C13orf46: variants seen among roughly 807,000 people sequenced by gnomAD.
The protein encoded by C13orf46 is uncharacterized protein C13orf46.
At chr13:113,961,670 TAA>T (rs2052587859) in intron 6 of C13orf46, among the ~76,000 whole-genome samples, 1 of 152,198 alleles carries the variant, frequency 6.6e-6, no homozygotes, top group South Asian at 2.1e-4. Context: ...AGAGCACAAT[TAA>T]TGACATAATA....
the C13orf46 span, among the ~76,000 whole-genome samples, chr13:113,946,410 C>T: frequency 1.3e-5 from 2 of 152,204 alleles, no homozygotes; most frequent in East Asian, 1.9e-4. Context: ...GAAGGGCGTC[C>T]TGCAGGCTCT....
intron 5 of C13orf46, among the ~76,000 whole-genome samples, chr13:113,966,562 ATGATGGTGATAGTGATAGTGGTGATGG>A (rs1429907368): frequency 1.7e-4 from 25 of 150,852 alleles, no homozygotes; most frequent in African/African-American, 5.4e-4. Flanking sequence ...AATAGTGACG[ATGATGGTGATAGTGATAGTGGTGATGG>A]TGATGATGAT....
chr13:113,941,688 C>T, the C13orf46 span, among the ~76,000 whole-genome samples: 2 of 152,228 alleles, frequency 1.3e-5, no homozygotes, highest in Admixed American at 6.5e-5. Context: ...CAGTTCCAGC[C>T]TCGCAGGTGG....
rs995050575 is a variant in C13orf46, at chr13:113,968,015, G to T, written c.456+452C>A. On this transcript the variant is annotated intron_variant, in intron 4 of 6. Transcript: ENST00000636427. ...ACTTCCCAAGAGCCCTGGAATGAAA[G>T]CAAGGCCCGCCTGGCAAGCAGCGTG... is the stretch of plus-strand genomic sequence containing the variant. Among the ~76,000 whole-genome samples the T allele has an allele frequency of 4.7e-4, 72 of 152,142 alleles. No individual in the cohort carries two copies. The South Asian group carries it at 8.5e-3, about 18-fold the overall frequency.
chr13:113,964,702 C>T (rs942670299), intron 6 of C13orf46, among the ~76,000 whole-genome samples: 6 of 152,270 alleles, frequency 3.9e-5, no homozygotes, highest in Non-Finnish European at 7.4e-5. Context: ...GGTGGGGCAT[C>T]GTGAAGCTCG....
chr13:113,929,506 C>T, the C13orf46 span, among the ~76,000 whole-genome samples: 2 of 152,214 alleles, frequency 1.3e-5, no homozygotes, highest in Admixed American at 6.5e-5. Context: ...CTCGACTGTC[C>T]GAGTGTGTTC....
chr13:113,944,158 A>G, the C13orf46 span, among the ~76,000 whole-genome samples: 1 of 152,134 alleles, frequency 6.6e-6, no homozygotes. Context: ...CAAGCCCCTC[A>G]GGTGGCAGGG....
the C13orf46 span, among the ~76,000 whole-genome samples, chr13:113,940,538 C>G: frequency 8.5e-6 from 1 of 118,286 alleles, no homozygotes; most frequent in Non-Finnish European, 1.9e-5. Flanking sequence ...CGTTCGAGAC[C>G]CTGGTCTCTG....
At chr13:113,944,100 C>T in the C13orf46 span, among the ~76,000 whole-genome samples, 1 of 152,202 alleles carries the variant, frequency 6.6e-6, no homozygotes, top group African/African-American at 2.4e-5. Context: ...TGGATCCCTC[C>T]CCAGGTTGTG....
the C13orf46 span, among the ~76,000 whole-genome samples, chr13:113,937,444 C>A: frequency 6.6e-6 from 1 of 152,142 alleles, no homozygotes; most frequent in Non-Finnish European, 1.5e-5. Flanking sequence ...GGGGTCTTTC[C>A]GAATCCAGAT....
At chr13:113,939,946 G>A in the C13orf46 span, among the ~76,000 whole-genome samples, 8 of 152,218 alleles carry the variant, frequency 5.3e-5, no homozygotes, top group African/African-American at 1.4e-4. Context: ...AGGAAGTGCC[G>A]CTGGCCTCAT....
intron 1 of C13orf46, among the ~76,000 whole-genome samples, chr13:113,971,413 A>G (rs1344024341): frequency 6.6e-6 from 1 of 152,204 alleles, no homozygotes; most frequent in African/African-American, 2.4e-5. Context: ...GCTGCCCCCA[A>G]CAGAGAAGCC....
At chr13:113,941,944 CAT>C in the C13orf46 span, among the ~76,000 whole-genome samples, 3 of 152,252 alleles carry the variant, frequency 2.0e-5, no homozygotes, top group Admixed American at 6.5e-5. Flanking sequence ...GCGGCTGACT[CAT>C]TGCTCCTCCA....
At chr13:113,927,797 C>G in the C13orf46 span, 23 of 394,370 alleles carry the variant, frequency 5.8e-5, no homozygotes, top group African/African-American at 4.7e-4. Context: ...TTTTCATAGC[C>G]AGGGTCGCTC....
the C13orf46 span, among the ~76,000 whole-genome samples, chr13:113,945,575 A>AGAGAGAGAG: frequency 1.2e-3 from 109 of 89,122 alleles, 3 homozygotes; most frequent in African/African-American, 4.4e-3. Flanking sequence ...GAAAGAAAGA[A>AGAGAGAGAG]AGAGAGAGAG....
At chr13:113,957,761 C>CACACT (rs2052551453) in intron 6 of C13orf46, among the ~76,000 whole-genome samples, 1 of 126,212 alleles carries the variant, frequency 7.9e-6, no homozygotes, top group South Asian at 2.8e-4. Context: ...TTTCATCAAG[C>CACACT]GCACTGGGAG....
intron 6 of C13orf46, among the ~76,000 whole-genome samples, chr13:113,958,803 G>T (rs998697597): frequency 2.0e-5 from 3 of 152,280 alleles, no homozygotes; most frequent in Admixed American, 2.0e-4. Context: ...CTGGCACCTT[G>T]ACCCCAGCAC....
At chr13:113,964,363 G>T (rs1306250153) in intron 6 of C13orf46, among the ~76,000 whole-genome samples, 8 of 152,204 alleles carry the variant, frequency 5.3e-5, no homozygotes, top group Non-Finnish European at 1.2e-4. Context: ...AGGGCCTCGG[G>T]CCTCGGGGAG....
chr13:113,966,683 G>A (rs1196272757), intron 5 of C13orf46, among the ~76,000 whole-genome samples: 2 of 151,882 alleles, frequency 1.3e-5, no homozygotes, highest in African/African-American at 4.8e-5. Context: ...TAATGATGGT[G>A]ATATTAATGA....
Sources: allele counts gnomAD v4.1 joint callset (sites outside exome capture counted in the v4.1 genomes callset), GRCh38; gene constraint gnomAD v4.1.1; transcripts MANE v1.5; gene names NCBI Gene and HGNC (gene_info 2026-07-23, HGNC 2026-07-21).